The following PCDHA5 variants were observed in gnomAD, a reference collection of about 807,000 sequenced individuals.
The protein encoded by PCDHA5 is protocadherin alpha-5.
A neutral mutation model predicts 61.6 loss-of-function variants in PCDHA5; 43 were observed. The observed-to-expected ratio is 0.70, with a 90% CI of 0.55 to 0.90. The LOEUF (loss-of-function observed/expected upper bound fraction) is 0.90, where lower values mean the gene tolerates loss of function less well. Among genes scored for constraint, PCDHA5 ranks in the 40% least tolerant of loss-of-function variants. The pLI is 0.00. For missense variants in PCDHA5, 1,298 were observed against 1,222.7 expected, an observed-to-expected ratio of 1.06 and a Z score of -0.92; for synonymous variants, 627 against 543.9, an observed-to-expected ratio of 1.15 and a Z score of -2.13.
intron 1 of PCDHA5, chr5:140,877,398 T>C: frequency 1.2e-6 from 2 of 1,613,870 alleles, no homozygotes; most frequent in Middle Eastern, 1.6e-4. Flanking sequence ...AGGCGGACGC[T>C]CCGCGCCACC....
chr5:140,821,883 G>A lies in PCDHA5; in HGVS notation c.108G>A (p.Glu36=). 1 of 1,614,238 alleles carries A rather than the reference G, an allele frequency of 6.2e-7. No homozygotes were observed. The highest frequency in any genetic ancestry group is 8.5e-7 in the Non-Finnish European group (1 of 1,180,042). Residue 36 remains glutamate (E), a synonymous_variant, in exon 1 of 4, where the codon GAG becomes GAA. Transcript: ENST00000529859. ...GCCAGCTCCACTACTCGATCCCGGA[G>A]GAAGCCAAACACGGAACCTTCGTTG... The part of the protein sequence containing the change: ...GSGQLHYSIP[E]EAKHGTFVGR...
Position 140,982,457 on chromosome 5 carries a change from G to A in PCDHA5, c.2412-18G>A, listed in dbSNP as rs782510565. 6.2e-7 allele frequency: 1 copy of A among 1,613,966 alleles called. No homozygotes were observed. Among genetic ancestry groups the A allele is most frequent in the African/African-American group, 1.3e-5 (1 of 74,916 alleles). ...AATTTATGATCTAACCGTTATCTGG[G>A]TCTGTGTGTTTATTCAGCTCTGTGC... On this transcript the variant is annotated intron_variant, in intron 2 of 3. Transcript: ENST00000529859.
At chr5:140,985,103 A>C (rs1342526252) in intron 3 of PCDHA5, among the ~76,000 whole-genome samples, 1 of 151,694 alleles carries the variant, frequency 6.6e-6, no homozygotes, top group Admixed American at 6.6e-5. Context: ...AAGCCTGGCT[A>C]ATTTTTTGTG....
intron 1 of PCDHA5, among the ~76,000 whole-genome samples, chr5:140,912,342 TA>T (rs1371454067): frequency 9.7e-5 from 12 of 123,478 alleles, no homozygotes; most frequent in African/African-American, 4.4e-4. Context: ...GTACACTAAG[TA>T]TTTTTTTTTT....
Position 140,920,254 on chromosome 5 carries a change from A to G in PCDHA5, c.2353-58695A>G, listed in dbSNP as rs117923328. Reference sequence around the variant, plus strand: ...TATATACCCAACAATACATCGCTATAATAATTATTACTTTATGTAATCTTA... The same window carrying G: ...TATATACCCAACAATACATCGCTATGATAATTATTACTTTATGTAATCTTA... On this transcript the variant is annotated intron_variant, in intron 1 of 3. Transcript: ENST00000529859. Among the ~76,000 whole-genome samples the G allele has an allele frequency of 8.5e-5, 13 of 152,332 alleles. No individual in the cohort carries two copies. In the East Asian group the frequency reaches 2.5e-3, roughly 29 times the overall value.
chr5:140,832,402 T>C (rs1771970001), intron 1 of PCDHA5, among the ~76,000 whole-genome samples: 1 of 152,248 alleles, frequency 6.6e-6, no homozygotes. Context: ...GTAGTGGTAT[T>C]TTCTGTTTTC....
At position 140,857,673 on chromosome 5, in the gene PCDHA5, C is replaced by G. The variant is rs372854727; in HGVS notation, c.2352+33546C>G. On this transcript the variant is annotated intron_variant, in intron 1 of 3. Transcript: ENST00000529859. The stretch of plus-strand genomic sequence containing the variant: ...GTGAGCGCGCGCGATGGGGGCGTGC[C>G]GCCTCTGGGCAGCAACTTGACGCTG... 6.3e-7 allele frequency: 1 copy of G among 1,596,942 alleles called. No homozygotes were observed. Among genetic ancestry groups the G allele is most frequent in the Non-Finnish European group, 8.6e-7 (1 of 1,167,760 alleles).
chr5:140,896,491 T>A (rs2065573741), intron 1 of PCDHA5, among the ~76,000 whole-genome samples: 1 of 152,042 alleles, frequency 6.6e-6, no homozygotes, highest in South Asian at 2.1e-4. Flanking sequence ...GCCTCCTGAG[T>A]AGCTGGGACT....
chr5:140,938,309 A>T (rs1379097876), intron 1 of PCDHA5, among the ~76,000 whole-genome samples: 1 of 152,216 alleles, frequency 6.6e-6, no homozygotes, highest in African/African-American at 2.4e-5. Flanking sequence ...AATTCAGTAT[A>T]AAATTGAATA....
In PCDHA5 at chr5:140,856,586, G is replaced by A. The variant is rs1185371115; in HGVS notation, c.2352+32459G>A. 7 of 1,597,236 alleles carry A rather than the reference G, an allele frequency of 4.4e-6. 1 individual carries two copies. The highest frequency in any genetic ancestry group is 6.0e-6 in the Non-Finnish European group (7 of 1,166,914). ...CAGTCCAAATGAGTATTTTGTTCTT[G>A]ATATTATAAACAAAAAAGACAAAGA... On this transcript the variant is annotated intron_variant, in intron 1 of 3. Coordinates refer to ENST00000529859, the MANE Select transcript of PCDHA5 (RefSeq NM_018908.3).
At chr5:140,976,208 A>G (rs2096706017) in intron 1 of PCDHA5, among the ~76,000 whole-genome samples, 1 of 152,202 alleles carries the variant, frequency 6.6e-6, no homozygotes, top group Non-Finnish European at 1.5e-5. Context: ...TCAGAAGTAA[A>G]AAAGAGAAAG....
chr5:140,981,141 A>G (rs957272254), intron 2 of PCDHA5, among the ~76,000 whole-genome samples: 2 of 152,242 alleles, frequency 1.3e-5, no homozygotes, highest in African/African-American at 4.8e-5. Flanking sequence ...AAAGAGTGAG[A>G]AAACATTGAA....
chr5:140,910,580 C>T (rs1384259049), intron 1 of PCDHA5, among the ~76,000 whole-genome samples: 1 of 152,162 alleles, frequency 6.6e-6, no homozygotes, highest in Non-Finnish European at 1.5e-5. Flanking sequence ...CTGGATCCTC[C>T]CAGCTGGGAT....
At chr5:140,973,946 G>A (rs566831681) in intron 1 of PCDHA5, among the ~76,000 whole-genome samples, 45 of 152,304 alleles carry the variant, frequency 3.0e-4, no homozygotes, top group Non-Finnish European at 1.5e-4. Flanking sequence ...GAATATGATG[G>A]CATTTTACAG....
At chr5:140,982,192 G>A (rs1390222750) in intron 2 of PCDHA5, among the ~76,000 whole-genome samples, 4 of 152,230 alleles carry the variant, frequency 2.6e-5, no homozygotes, top group Non-Finnish European at 4.4e-5. Context: ...TGGGCTTCCT[G>A]TTAGATTTAG....
In PCDHA5 at chr5:140,822,804, T is replaced by A. The variant is rs2150119466; in HGVS notation, c.1029T>A (p.Asn343Lys). The A allele has an allele frequency of 6.2e-7, 1 of 1,614,204 alleles. No homozygotes were observed. Among genetic ancestry groups the A allele is most frequent in the South Asian group, 1.1e-5 (1 of 91,082 alleles). The change falls in exon 1 of 4, where the codon AAT (asparagine) becomes AAA (lysine). Residue 343 changes from asparagine to lysine, a missense_variant. Coordinates refer to ENST00000529859, the MANE Select transcript of PCDHA5 (RefSeq NM_018908.3). ...CKVVVKLLDV[N>K]DNTPEMAITT... Reference sequence around the variant, plus strand: ...TAGTAGTGAAACTCCTGGATGTGAATGATAATACCCCAGAGATGGCCATAA... The same window carrying A: ...TAGTAGTGAAACTCCTGGATGTGAAAGATAATACCCCAGAGATGGCCATAA...
In PCDHA5 at chr5:140,979,008, G is replaced by T; in HGVS notation, c.2411+1G>T. 1 of 1,613,990 alleles carries T rather than the reference G, an allele frequency of 6.2e-7. No individual in the cohort carries two copies. The highest frequency in any genetic ancestry group is 1.3e-5 in the African/African-American group (1 of 75,044). ...CCTCCCTGAGAGCAGGCATGCACAG[G>T]TATGTATTTCCCTCCTCATTCACTC... On this transcript the variant is annotated splice_donor_variant, in intron 2 of 3. Transcript: ENST00000529859. LOFTEE classifies it high-confidence loss of function.
chr5:140,951,959 A>C (rs2094664205), intron 1 of PCDHA5, among the ~76,000 whole-genome samples: 1 of 152,202 alleles, frequency 6.6e-6, no homozygotes, highest in Admixed American at 6.5e-5. Context: ...GGCATTGGGT[A>C]AATACTCCTG....
intron 1 of PCDHA5, among the ~76,000 whole-genome samples, chr5:140,954,347 G>A (rs145658065): frequency 0.023 from 3,565 of 152,288 alleles, 49 homozygotes; most frequent in Middle Eastern, 0.034. Flanking sequence ...CTAGATCTTT[G>A]AGGAATCGCC....
Sources: allele counts gnomAD v4.1 joint callset (sites outside exome capture counted in the v4.1 genomes callset), GRCh38; gene constraint gnomAD v4.1.1; transcripts MANE v1.5; gene names NCBI Gene and HGNC (gene_info 2026-07-23, HGNC 2026-07-21).